ACBD5: variants seen among roughly 807,000 people sequenced by gnomAD.
ACBD5 encodes acyl-CoA-binding domain-containing protein 5.
A neutral mutation model predicts 71.8 loss-of-function variants in ACBD5; 40 were observed. That is an observed-to-expected ratio of 0.56 (90% CI 0.43 to 0.72). ACBD5 has a LOEUF of 0.72. ACBD5 is among the 30% of genes least tolerant of loss of function. ACBD5 has a pLI of 0.00. For missense variants in ACBD5, 559 were observed against 644.5 expected, an observed-to-expected ratio of 0.87 and a Z score of 1.44; for synonymous variants, 229 against 218.6, an observed-to-expected ratio of 1.05 and a Z score of -0.42.
intron 13 of ACBD5, among the ~76,000 whole-genome samples, chr10:27,189,590 G>C (rs10829206): frequency 7.4e-6 from 1 of 135,486 alleles, no homozygotes; most frequent in Non-Finnish European, 1.6e-5. Context: ...CATGGACATA[G>C]GAAGGGGAAC....
chr10:27,194,269 A>C (rs1416105429), downstream of ACBD5, among the ~76,000 whole-genome samples: 3 of 150,458 alleles, frequency 2.0e-5, no homozygotes, highest in Non-Finnish European at 4.4e-5. Context: ...AAAAAAAAAA[A>C]AAACCCTCTC....
chr10:27,225,012 C>T (rs2062828931), intron 4 of ACBD5, among the ~76,000 whole-genome samples: 1 of 151,404 alleles, frequency 6.6e-6, no homozygotes, highest in Non-Finnish European at 1.5e-5. Flanking sequence ...GCCTGGGCAA[C>T]AAAGTGATAC....
intron 13 of ACBD5, among the ~76,000 whole-genome samples, chr10:27,189,282 C>A (rs2058957138): frequency 6.6e-6 from 1 of 152,220 alleles, no homozygotes. Context: ...CCGCCTCAGC[C>A]TCCCAAAATG....
chr10:27,212,252 G>A (rs150611702), intron 8 of ACBD5, among the ~76,000 whole-genome samples: 5 of 152,306 alleles, frequency 3.3e-5, no homozygotes, highest in African/African-American at 7.2e-5. Context: ...GGAAGGCTGA[G>A]GCACAAGAAT....
At chr10:27,228,271 CA>C (rs201431372) in intron 4 of ACBD5, among the ~76,000 whole-genome samples, 6 of 140,556 alleles carry the variant, frequency 4.3e-5, no homozygotes, top group African/African-American at 1.3e-4. Flanking sequence ...TAAATTTGTA[CA>C]AAAAAAAAAA....
At chr10:27,209,511 C>T (rs1045788139) in intron 9 of ACBD5, among the ~76,000 whole-genome samples, 4 of 152,038 alleles carry the variant, frequency 2.6e-5, no homozygotes, top group East Asian at 1.9e-4. Flanking sequence ...TTAGTAGAGA[C>T]GAAGTTTCAC....
chr10:27,195,768 G>T lies in ACBD5; in HGVS notation c.*1662C>A, dbSNP rs2059327012. On this transcript the variant is annotated 3_prime_UTR_variant, in exon 13 of 13. Coordinates refer to ENST00000396271, the MANE Select transcript of ACBD5 (RefSeq NM_145698.5). ...AGAAAAAAATAAGGAAAAAGAGTTT[G>T]GGAAAAGTAAATTGTATTCTTATAC... 2.4e-6 allele frequency: 1 copy of T among 409,568 alleles called. No homozygotes were observed. Among genetic ancestry groups the T allele is most frequent in the African/African-American group, 2.1e-5 (1 of 47,444 alleles). 25.4% of individuals were successfully genotyped at this position (409,568 alleles called of 1,614,324 possible). A position where few individuals can be genotyped will look rare whatever the true frequency, so the allele number is the denominator to read the frequency against.
intron 8 of ACBD5, among the ~76,000 whole-genome samples, chr10:27,211,689 T>C (rs904330037): frequency 2.0e-5 from 3 of 150,864 alleles, no homozygotes; most frequent in African/African-American, 7.4e-5. Flanking sequence ...TTCTTAGAGA[T>C]TACTACCTAA....
intron 4 of ACBD5, 143 bp from the exon 5 acceptor site, chr10:27,223,595 T>C: frequency 2.8e-6 from 2 of 713,962 alleles, no homozygotes; most frequent in Admixed American, 2.2e-5. Flanking sequence ...TCTACATTAA[T>C]TACATACTTA....
intron 2 of ACBD5, among the ~76,000 whole-genome samples, chr10:27,236,798 T>C (rs754960555): frequency 6.7e-6 from 1 of 150,102 alleles, no homozygotes; most frequent in Admixed American, 6.7e-5. Flanking sequence ...TGAGACAGAA[T>C]TGCTTGAACC....
chr10:27,187,719 T>C (rs1399497908), intron 13 of ACBD5, among the ~76,000 whole-genome samples: 1 of 151,036 alleles, frequency 6.6e-6, no homozygotes, highest in African/African-American at 2.4e-5. Context: ...ATCACTGCAT[T>C]TCAGCCTGGG....
chr10:27,192,822 T>C (rs928072505), downstream of ACBD5, among the ~76,000 whole-genome samples: 1 of 151,456 alleles, frequency 6.6e-6, no homozygotes, highest in African/African-American at 2.4e-5. Context: ...ATACAAAAAT[T>C]AGCCGGGCGT....
At chr10:27,227,541 T>C (rs1040423589) in intron 4 of ACBD5, among the ~76,000 whole-genome samples, 16 of 152,172 alleles carry the variant, frequency 1.1e-4, no homozygotes, top group Admixed American at 9.2e-4. Context: ...TATCACTCAC[T>C]TTAAGAAACT....
chr10:27,195,053 A>AT (rs2059269089), downstream of ACBD5, among the ~76,000 whole-genome samples: 1 of 152,166 alleles, frequency 6.6e-6, no homozygotes, highest in Non-Finnish European at 1.5e-5. Context: ...CAGATGACTA[A>AT]ATAAGTTAAA....
At chr10:27,233,802 T>C (rs1011442735) in intron 3 of ACBD5, among the ~76,000 whole-genome samples, 50 of 152,308 alleles carry the variant, frequency 3.3e-4, no homozygotes, top group Non-Finnish European at 2.2e-4. Flanking sequence ...CCCACCACTT[T>C]GGGAGGCCGA....
chr10:27,204,414 A>G (rs759554846), intron 12 of ACBD5, 26 bp downstream of exon 12: 1 of 1,546,124 alleles, frequency 6.5e-7, no homozygotes. Flanking sequence ...GTTATACACC[A>G]TTTCAAATGA....
intron 4 of ACBD5, among the ~76,000 whole-genome samples, chr10:27,224,219 A>AAAC (rs2062728888): frequency 6.8e-6 from 1 of 146,566 alleles, no homozygotes; most frequent in African/African-American, 2.5e-5. Context: ...AAAAAAAAAA[A>AAAC]TTGTCTAATT....
At chr10:27,240,934 G>T, upstream of ACBD5, 1 of 608,602 alleles carries the variant, frequency 1.6e-6, no homozygotes, top group Non-Finnish European at 2.9e-6. The surrounding 1 kb of genome is among the most constrained non-coding windows in gnomAD (Gnocchi z 4.1). Flanking sequence ...CGGTCCGTCT[G>T]TCCCCAGAGG....
At chr10:27,186,543 A>C in intron 13 of ACBD5, 1 of 1,613,674 alleles carries the variant, frequency 6.2e-7, no homozygotes, top group Non-Finnish European at 8.5e-7. Flanking sequence ...GTAGCACAAA[A>C]ATTTTCCTTT....
Sources: gnomAD v4.1 joint callset for allele counts (sites outside exome capture counted in the v4.1 genomes callset) on GRCh38, gnomAD v4.1.1 for gene constraint, Gnocchi (gnomAD v3.1) non-coding constraint, MANE v1.5 for transcripts, NCBI Gene and HGNC (gene_info 2026-07-23, HGNC 2026-07-21) for gene names.